The following CARD8 variants were observed in gnomAD, a reference collection of about 807,000 sequenced individuals.
CARD8 encodes caspase recruitment domain family member 8.
In CARD8, 38 loss-of-function variants were observed where a neutral mutation model predicts 53.2. That is an observed-to-expected ratio of 0.71 (90% CI 0.55 to 0.94). The LOEUF (loss-of-function observed/expected upper bound fraction) is 0.94. Ranked by LOEUF, CARD8 falls within the 40% of genes least tolerant of loss-of-function variation. CARD8 has a pLI of 0.00. For missense variants in CARD8, 561 were observed against 655.5 expected, an observed-to-expected ratio of 0.86 and a Z score of 1.57; for synonymous variants, 245 against 244.9, an observed-to-expected ratio of 1.00 and a Z score of 0.00.
Position 48,230,477 on chromosome 19 carries a change from G to C in CARD8, c.996C>G (p.Phe332Leu). Residue 332 changes from phenylalanine to leucine, a missense_variant, in exon 10 of 14, where the codon TTC becomes TTG. Physicochemically the swap from Phe to Leu is conservative, Grantham distance 22 (BLOSUM62 0). Transcript: ENST00000651546. ...YYHPHPEDIKFHLYLVPSDAL... is the reference protein window; with the variant it reads ...YYHPHPEDIKLHLYLVPSDAL... The stretch of plus-strand genomic sequence containing the variant: ...CGTCGCTGGGGACAAGGTACAAGTG[G>C]AACTTAATATCTTCGGGGTGGGGGT... The C allele has an allele frequency of 6.2e-7, 1 of 1,613,628 alleles. No individual in the cohort carries two copies. The highest frequency in any genetic ancestry group is 8.5e-7 in the Non-Finnish European group (1 of 1,179,656).
chr19:48,231,035 G>T (rs779328099), intron 8 of CARD8, 29 bp from the exon 9 acceptor site: 1 of 1,568,310 alleles, frequency 6.4e-7, no homozygotes, highest in Admixed American at 1.7e-5. Context: ...ATGTCATGAC[G>T]GGAGAACCCC....
chr19:48,238,635 G>T lies in CARD8; in HGVS notation c.60-103C>A, dbSNP rs1399655073. 6 of 1,089,260 alleles carry T rather than the reference G, an allele frequency of 5.5e-6. No homozygotes were observed. The Admixed American group carries it at 9.5e-5, about 17-fold the overall frequency. The allele number at this position is 1,089,260 out of a possible 1,614,324, so 67.5% of individuals were successfully genotyped here. A position where few individuals can be genotyped will look rare whatever the true frequency, so the allele number is the denominator to read the frequency against. On this transcript the variant is annotated intron_variant, in intron 4 of 13. Coordinates refer to ENST00000651546, the MANE Select transcript of CARD8 (RefSeq NM_001184900.3). ...TAGCGAAAGTAGCCCGATCCTTAGA[G>T]ATATCCATCCTTAGACATGCCCATC...
chr19:48,245,762 AAAT>A (rs2046004790), intron 3 of CARD8, among the ~76,000 whole-genome samples: 2 of 148,782 alleles, frequency 1.3e-5, no homozygotes, highest in Admixed American at 6.7e-5. Flanking sequence ...ATTATATATA[AAAT>A]AATTGTTATA....
chr19:48,214,684 TCAAACCGTGC>T (rs2038836734), intron 13 of CARD8, among the ~76,000 whole-genome samples: 1 of 149,632 alleles, frequency 6.7e-6, no homozygotes, highest in African/African-American at 2.5e-5. Flanking sequence ...AGTCAAAAGG[TCAAACCGTGC>T]ACTTGTCTTT....
chr19:48,217,127 G>T (rs10410274), intron 12 of CARD8, among the ~76,000 whole-genome samples: 49,402 of 151,834 alleles, frequency 0.33, 8,232 homozygotes, highest in East Asian at 0.52. Context: ...GAGGCAGAGC[G>T]CAGGCGGTAA....
At chr19:48,204,091 C>A (rs1599946693), downstream of CARD8, 1 of 447,892 alleles carries the variant, frequency 2.2e-6, no homozygotes, top group South Asian at 1.6e-5. Flanking sequence ...CATTGTGGGG[C>A]CCGCTTGGAT....
rs2043145419 is a variant in CARD8, at chr19:48,232,734, G to C, written c.351-241C>G. On this transcript the variant is annotated intron_variant, in intron 6 of 13. Transcript: ENST00000651546. ...CTCACGGCTATAACACTGTGTAGCA[G>C]AGAATGGAACACTCCCGTCATCACA... 6 of 652,702 alleles carry C rather than the reference G, an allele frequency of 9.2e-6. No homozygotes were observed. In the East Asian group the frequency reaches 1.2e-4, roughly 13 times the overall value. 40.4% of individuals were successfully genotyped at this position (652,702 alleles called of 1,614,324 possible). A position where few individuals can be genotyped will look rare whatever the true frequency, so the allele number is the denominator to read the frequency against.
intron 3 of CARD8, among the ~76,000 whole-genome samples, chr19:48,245,764 ATAAT>A (rs1265054940): frequency 2.7e-5 from 4 of 148,788 alleles, no homozygotes; most frequent in Non-Finnish European, 5.9e-5. Flanking sequence ...TATATATAAA[ATAAT>A]TGTTATATAT....
rs772338679 is a variant in CARD8 at position 48,232,252 on chromosome 19, C to T, written c.391+201G>A. On this transcript the variant is annotated intron_variant, in intron 7 of 13. Coordinates refer to ENST00000651546, the MANE Select transcript of CARD8 (RefSeq NM_001184900.3). ...TGTCCCCAGCCACCAGGACCACCCA[C>T]TGACTCCCCTGAGCATTTCCATGCC... 77 of 616,308 alleles carry T rather than the reference C, an allele frequency of 1.2e-4. 1 individual carries two copies. Among genetic ancestry groups the T allele is most frequent in the South Asian group, 6.1e-4 (31 of 51,134 alleles). 38.2% of individuals were successfully genotyped at this position (616,308 alleles called of 1,614,324 possible).
At chr19:48,220,538 G>C (rs1238512363) in intron 11 of CARD8, among the ~76,000 whole-genome samples, 1 of 152,126 alleles carries the variant, frequency 6.6e-6, no homozygotes, top group Non-Finnish European at 1.5e-5. Flanking sequence ...ATTAAATCTT[G>C]ATACTTTGTT....
At chr19:48,205,360 G>T (rs560462504), downstream of CARD8, among the ~76,000 whole-genome samples, 306 of 152,104 alleles carry the variant, frequency 2.0e-3, no homozygotes, top group African/African-American at 7.1e-3. Flanking sequence ...CTCCCGAGTA[G>T]CTGGGATTAC....
chr19:48,241,288 C>T (rs61187741), intron 3 of CARD8, among the ~76,000 whole-genome samples: 41,175 of 151,980 alleles, frequency 0.27, 5,804 homozygotes, highest in South Asian at 0.34. Context: ...TGGAGTCTAG[C>T]TCTGTCACCC....
intron 13 of CARD8, among the ~76,000 whole-genome samples, chr19:48,214,539 T>C (rs574601255): frequency 1.3e-5 from 2 of 152,006 alleles, no homozygotes; most frequent in East Asian, 3.9e-4. Flanking sequence ...TGCGTATGAC[T>C]CCAAGAAACA....
intron 3 of CARD8, among the ~76,000 whole-genome samples, chr19:48,245,653 T>C (rs1334162732): frequency 6.6e-6 from 1 of 151,892 alleles, no homozygotes; most frequent in Non-Finnish European, 1.5e-5. Flanking sequence ...ATGACCCATA[T>C]AATGCTTTTA....
chr19:48,240,876 T>C (rs2146662420), intron 4 of CARD8, 86 bp downstream of exon 4: 1 of 1,050,660 alleles, frequency 9.5e-7, no homozygotes, highest in South Asian at 1.4e-5. Flanking sequence ...CCAGAAAACA[T>C]CCATGGTCCT....
chr19:48,235,796 T>G (rs2146424504), intron 5 of CARD8, among the ~76,000 whole-genome samples: 1 of 151,106 alleles, frequency 6.6e-6, no homozygotes, highest in East Asian at 1.9e-4. Context: ...GATTTTGAAG[T>G]AAGTTCAAAA....
downstream of CARD8, among the ~76,000 whole-genome samples, chr19:48,204,634 T>C (rs772420084): frequency 6.6e-6 from 1 of 152,090 alleles, no homozygotes; most frequent in Non-Finnish European, 1.5e-5. Flanking sequence ...ACAGGACAGA[T>C]GTGACTATAG....
chr19:48,253,559 C>T (rs1041642067), intron 1 of CARD8, among the ~76,000 whole-genome samples: 1 of 152,048 alleles, frequency 6.6e-6, no homozygotes, highest in African/African-American at 2.4e-5. Context: ...CTCCATCTTA[C>T]AGGGGATAAA....
downstream of CARD8, among the ~76,000 whole-genome samples, chr19:48,205,910 T>C (rs769302424): frequency 1.4e-4 from 21 of 152,002 alleles, no homozygotes; most frequent in Non-Finnish European, 2.9e-4. Flanking sequence ...TTTATTTTTA[T>C]TTTTTGAGAC....
Sources: allele counts gnomAD v4.1 joint callset (sites outside exome capture counted in the v4.1 genomes callset), GRCh38; gene constraint gnomAD v4.1.1; transcripts MANE v1.5; gene names NCBI Gene and HGNC (gene_info 2026-07-23, HGNC 2026-07-21).